SYPL1: variants seen among roughly 807,000 people sequenced by gnomAD.
SYPL1 encodes the protein synaptophysin-like protein 1.
SYPL1 carries 6 observed loss-of-function variants against 23.7 expected under a neutral mutation model. The observed-to-expected ratio is 0.25, with a 90% CI of 0.14 to 0.50. The LOEUF (loss-of-function observed/expected upper bound fraction) is 0.50, where lower values mean the gene tolerates loss of function less well. Ranked by LOEUF, SYPL1 falls within the 20% of genes least tolerant of loss-of-function variation. SYPL1 has a pLI of 0.98. For missense variants in SYPL1, 253 were observed against 288.9 expected (o/e 0.88, Z 0.90); for synonymous variants, 102 against 104.5 (o/e 0.98, Z 0.15).
chr7:106,101,949 T>C (rs62481321), intron 1 of SYPL1, among the ~76,000 whole-genome samples: 2,911 of 152,266 alleles, frequency 0.019, 40 homozygotes, highest in Middle Eastern at 0.044. Flanking sequence ...ACAAACTCTT[T>C]GATACAACTC....
rs1840507388 is a variant in SYPL1 at position 106,104,781 on chromosome 7, T to C, written c.70-5499A>G. ...TTATATTAAACAAAGTACAAAATTATGAGGGCAAAATATCCAACTATCTCA... is the reference window on the plus strand; with the variant it reads ...TTATATTAAACAAAGTACAAAATTACGAGGGCAAAATATCCAACTATCTCA... On this transcript the variant is annotated intron_variant, in intron 1 of 4. Transcript: ENST00000455385. The surrounding 1 kb of genome is among the most constrained non-coding windows in gnomAD (Gnocchi z 4.1). 6.6e-6 allele frequency among the ~76,000 whole-genome samples: 1 copy of C among 152,192 alleles called. No individual in the cohort carries two copies. Among genetic ancestry groups the C allele is most frequent in the Non-Finnish European group, 1.5e-5 (1 of 68,034 alleles).
upstream of SYPL1, chr7:106,112,359 G>T: frequency 7.8e-7 from 1 of 1,282,708 alleles, no homozygotes; most frequent in Non-Finnish European, 9.8e-7. Context: ...GGGCGGGGCG[G>T]GGCGGAGCGG....
chr7:106,105,183 T>A (rs757980656), intron 1 of SYPL1, among the ~76,000 whole-genome samples: 4 of 152,198 alleles, frequency 2.6e-5, no homozygotes, highest in Non-Finnish European at 5.9e-5. Context: ...GACATACTAT[T>A]CTTTTTCTTC....
rs746467941 is a variant in SYPL1 at position 106,091,920 on chromosome 7, A to G, written c.611T>C (p.Met204Thr). The G allele has an allele frequency of 1.9e-6, 3 of 1,611,392 alleles. No homozygotes were observed. Among genetic ancestry groups the G allele is most frequent in the East Asian group, 2.2e-5 (1 of 44,800 alleles). The change falls in exon 5 of 5, where the codon ATG becomes ACG. Residue 204 changes from methionine (M) to threonine (T), a missense_variant. Transcript: ENST00000455385. The surrounding 1 kb of genome is among the most constrained non-coding windows in gnomAD (Gnocchi z 5.0). ...NVSVIFGFLNMILWGGNAWFV... is the reference protein window; with the variant it reads ...NVSVIFGFLNTILWGGNAWFV... ...CCAAGCATTTCCTCCCCAGAGTATC[A>G]TATTTAGAAAGCCAAATATCTATGA... is the stretch of plus-strand genomic sequence containing the variant.
chr7:106,095,620 G>A lies in SYPL1; in HGVS notation c.402+2070C>T, dbSNP rs1363180621. Among the ~76,000 whole-genome samples, 1 of 152,082 alleles carries A rather than the reference G, an allele frequency of 6.6e-6. No individual in the cohort carries two copies. The highest frequency in any genetic ancestry group is 1.5e-5 in the Non-Finnish European group (1 of 68,012). On this transcript the variant is annotated intron_variant, in intron 3 of 4. Transcript: ENST00000455385. The surrounding 1 kb of genome is among the most constrained non-coding windows in gnomAD (Gnocchi z 4.3). ...ACCCACCTCGGCCTCCCAAAGTGCTGGGATTACAGGCATGACCCACTGCAC... is the reference window on the plus strand; with the variant it reads ...ACCCACCTCGGCCTCCCAAAGTGCTAGGATTACAGGCATGACCCACTGCAC...
intron 1 of SYPL1, among the ~76,000 whole-genome samples, chr7:106,102,048 G>A (rs1030943233): frequency 6.6e-6 from 1 of 151,908 alleles, no homozygotes; most frequent in African/African-American, 2.4e-5. Flanking sequence ...TGGTACTGTA[G>A]AAGAAATGGG....
intron 3 of SYPL1, 64 bp from the exon 4 acceptor site, chr7:106,093,201 A>T (rs1839846011): frequency 2.2e-6 from 3 of 1,394,056 alleles, no homozygotes; most frequent in Non-Finnish European, 2.9e-6. Flanking sequence ...TTTCAAATCC[A>T]TGATGAAGAA....
chr7:106,091,746 G>A lies in SYPL1; in HGVS notation c.*59C>T. The A allele has an allele frequency of 1.3e-6, 2 of 1,525,244 alleles. No individual in the cohort carries two copies. The highest frequency in any genetic ancestry group is 1.3e-5 in the South Asian group (1 of 78,356). The allele number at this position is 1,525,244 out of a possible 1,614,324, so 94.5% of individuals were successfully genotyped here. On this transcript the variant is annotated 3_prime_UTR_variant, in exon 5 of 5. Transcript: ENST00000455385. This position sits in a 1 kb window ranked among gnomAD's most constrained non-coding sequence, Gnocchi z 5.0. ...TTAGAAACAAATAATGCTTCTCAAGGTGTTGGCAACATGTCATAGTATCAA... is the reference window on the plus strand; with the variant it reads ...TTAGAAACAAATAATGCTTCTCAAGATGTTGGCAACATGTCATAGTATCAA...
intron 3 of SYPL1, among the ~76,000 whole-genome samples, chr7:106,094,451 CG>C (rs1839912932): frequency 6.6e-6 from 1 of 152,166 alleles, no homozygotes; most frequent in African/African-American, 2.4e-5. Context: ...TACATGAACA[CG>C]GAAGTACATG....
rs1313961910 is a variant in SYPL1, at chr7:106,093,003, T to G, written c.537A>C (p.Ala179=). 1.2e-6 allele frequency: 2 copies of G among 1,613,724 alleles called. No homozygotes were observed. Among genetic ancestry groups the G allele is most frequent in the Non-Finnish European group, 1.7e-6 (2 of 1,179,868 alleles). Residue 179 remains alanine, a synonymous_variant, in exon 4 of 5, where the codon GCA becomes GCC. Transcript: ENST00000455385. ...TCACAGAGCCAAAGTAACACAGTAC[T>G]GCTTTCTTCTTACAAGGCGGAAGTT... is the stretch of plus-strand genomic sequence containing the variant. The part of the protein sequence containing the change: ...IDELPPCKKK[A]VLCYFGSVTS...
At chr7:106,107,065 A>G (rs1329505573) in intron 1 of SYPL1, among the ~76,000 whole-genome samples, 1 of 152,234 alleles carries the variant, frequency 6.6e-6, no homozygotes, top group Non-Finnish European at 1.5e-5. Context: ...TTAGTTTATC[A>G]AAGTGATAAC....
chr7:106,109,602 T>C lies in SYPL1; in HGVS notation c.69+2538A>G, dbSNP rs1479629811. On this transcript the variant is annotated intron_variant, in intron 1 of 4. Coordinates refer to ENST00000455385, the MANE Select transcript of SYPL1 (RefSeq NM_182715.4). The surrounding 1 kb of genome is among the most constrained non-coding windows in gnomAD (Gnocchi z 4.3). ...GATCCATATATATAGCTGTATCCTA[T>C]AGGATACCTCCAAAAGATCTAAAGA... 6.6e-6 allele frequency among the ~76,000 whole-genome samples: 1 copy of C among 152,186 alleles called. No homozygotes were observed. The highest frequency in any genetic ancestry group is 1.5e-5 in the Non-Finnish European group (1 of 68,016).
At chr7:106,092,464 G>A (rs1839779559) in intron 4 of SYPL1, 1 of 222,636 alleles carries the variant, frequency 4.5e-6, no homozygotes, top group South Asian at 5.1e-5. Flanking sequence ...CTTGAGGTCG[G>A]GAGTTTGACC....
rs1375812342 is a variant in SYPL1 at position 106,097,156 on chromosome 7, T to C, written c.402+534A>G. 1.3e-5 allele frequency among the ~76,000 whole-genome samples: 2 copies of C among 152,210 alleles called. No homozygotes were observed. Among genetic ancestry groups the C allele is most frequent in the African/African-American group, 2.4e-5 (1 of 41,444 alleles). On this transcript the variant is annotated intron_variant, in intron 3 of 4. Coordinates refer to ENST00000455385, the MANE Select transcript of SYPL1 (RefSeq NM_182715.4). The surrounding 1 kb of genome is among the most constrained non-coding windows in gnomAD (Gnocchi z 4.6). Reference sequence around the variant, plus strand: ...AGGTTGAGGCTGCAGCAAGCCAAGATGGTGCTACTGCCCTCCTGCCTGGGC... The same window carrying C: ...AGGTTGAGGCTGCAGCAAGCCAAGACGGTGCTACTGCCCTCCTGCCTGGGC...
At chr7:106,111,962 G>A (rs1790177516) in intron 1 of SYPL1, 178 bp downstream of exon 1, 22 of 776,636 alleles carry the variant, frequency 2.8e-5, no homozygotes, top group Non-Finnish European at 3.1e-5. Flanking sequence ...CGGCGTCTCC[G>A]CCCCGCGCGG....
At chr7:106,112,056 G>A in intron 1 of SYPL1, 84 bp downstream of exon 1, 2 of 1,230,182 alleles carry the variant, frequency 1.6e-6, no homozygotes, top group Middle Eastern at 3.2e-4. Flanking sequence ...GCAGGGCTGC[G>A]TCCCGGCTCG....
intron 1 of SYPL1, among the ~76,000 whole-genome samples, chr7:106,107,107 T>C (rs1840641858): frequency 6.6e-6 from 1 of 152,206 alleles, no homozygotes; most frequent in Non-Finnish European, 1.5e-5. Flanking sequence ...TAAAAGTATA[T>C]TATGTATGAG....
At position 106,112,145 on chromosome 7, in the gene SYPL1, C is replaced by G. The variant is rs367775377; in HGVS notation, c.64G>C (p.Glu22Gln). 27 of 1,532,824 alleles carry G rather than the reference C, an allele frequency of 1.8e-5. No individual in the cohort carries two copies. Among genetic ancestry groups the G allele is most frequent in the Non-Finnish European group, 2.4e-5 (27 of 1,131,608 alleles). 95.0% of individuals were successfully genotyped at this position (1,532,824 alleles called of 1,614,324 possible). Residue 22 changes from glutamate to glutamine, a missense_variant, in exon 1 of 5, where the codon GAG becomes CAG. By Grantham distance (29) the Glu-to-Gln change is conservative. Coordinates refer to ENST00000455385, the MANE Select transcript of SYPL1 (RefSeq NM_182715.4). ...CCGGCGCGGGCTGCACTCACCCACT[C>G]GAGGACCTTGATGAAGCCGAGTGGC... Reference protein sequence around the residue: ...KEPLGFIKVLEWIASIFAFAT... With the variant: ...KEPLGFIKVLQWIASIFAFAT...
At chr7:106,102,342 C>T (rs762431287) in intron 1 of SYPL1, among the ~76,000 whole-genome samples, 1 of 152,202 alleles carries the variant, frequency 6.6e-6, no homozygotes, top group African/African-American at 2.4e-5. Context: ...GTGATCCACC[C>T]GCCTTGGCCT....
Sources: allele counts gnomAD v4.1 joint callset (sites outside exome capture counted in the v4.1 genomes callset), GRCh38; gene constraint gnomAD v4.1.1; non-coding constraint Gnocchi (gnomAD v3.1); transcripts MANE v1.5; gene names NCBI Gene and HGNC (gene_info 2026-07-23, HGNC 2026-07-21).